The following TAFA1 variants were observed in gnomAD, a reference collection of about 807,000 sequenced individuals.
The protein encoded by TAFA1 is TAFA chemokine like family member 1, also known as chemokine-like protein TAFA-1.
A neutral mutation model predicts 18.5 loss-of-function variants in TAFA1; 4 were observed. That is an observed-to-expected ratio of 0.22 (90% CI 0.11 to 0.49). TAFA1 has a LOEUF of 0.49. TAFA1 is among the 20% of genes least tolerant of loss of function. The pLI is 0.98. For synonymous variants in TAFA1, 56 were observed against 55.2 expected (o/e 1.01, Z -0.06); for missense variants, 147 against 169.0 (o/e 0.87, Z 0.72).
intron 2 of TAFA1, among the ~76,000 whole-genome samples, chr3:68,134,049 C>T (rs563497726): frequency 8.4e-6 from 1 of 118,548 alleles, no homozygotes; most frequent in Admixed American, 1.0e-4. Context: ...GCTGAAATGA[C>T]AAGTGTGATG....
chr3:68,303,403 A>T (rs1373882247), intron 2 of TAFA1, among the ~76,000 whole-genome samples: 1 of 152,188 alleles, frequency 6.6e-6, no homozygotes, highest in Non-Finnish European at 1.5e-5. Flanking sequence ...GAGGAAACAA[A>T]ACAATGATTT....
chr3:68,303,327 C>T (rs187420530), intron 2 of TAFA1, among the ~76,000 whole-genome samples: 4 of 152,236 alleles, frequency 2.6e-5, no homozygotes, highest in Admixed American at 2.6e-4. Context: ...GCAGATTTTA[C>T]AAAGGAGGAG....
chr3:68,296,733 T>C (rs1328588712), intron 2 of TAFA1, among the ~76,000 whole-genome samples: 1 of 152,176 alleles, frequency 6.6e-6, no homozygotes, highest in Non-Finnish European at 1.5e-5. Flanking sequence ...TTATTGAAAG[T>C]GTACCATGTG....
At chr3:68,072,741 G>T (rs2064772630) in intron 2 of TAFA1, among the ~76,000 whole-genome samples, 3 of 152,272 alleles carry the variant, frequency 2.0e-5, no homozygotes, top group Admixed American at 1.3e-4. Flanking sequence ...TTGGGCTGTG[G>T]AGTTTGTGAC....
intron 3 of TAFA1, among the ~76,000 whole-genome samples, chr3:68,426,725 T>C (rs1027956480): frequency 6.6e-6 from 1 of 151,924 alleles, no homozygotes. Context: ...AAGAAGATGA[T>C]AAATAGGAAA....
At chr3:68,333,857 A>G (rs527410222) in intron 2 of TAFA1, among the ~76,000 whole-genome samples, 1 of 152,214 alleles carries the variant, frequency 6.6e-6, no homozygotes, top group Non-Finnish European at 1.5e-5. Flanking sequence ...CAATTACAAC[A>G]TGGATGAACC....
chr3:68,500,136 G>A (rs1339753407), intron 3 of TAFA1, among the ~76,000 whole-genome samples: 1 of 151,968 alleles, frequency 6.6e-6, no homozygotes, highest in Non-Finnish European at 1.5e-5. Flanking sequence ...TTCTGGGTTT[G>A]AGTGCCAATG....
chr3:68,263,174 G>T (rs2067469521), intron 2 of TAFA1, among the ~76,000 whole-genome samples: 1 of 152,020 alleles, frequency 6.6e-6, no homozygotes, highest in Admixed American at 6.6e-5. Context: ...TCAATTCAGA[G>T]ATTCTAATAT....
At chr3:68,499,443 T>TTTA (rs1190797488) in intron 3 of TAFA1, among the ~76,000 whole-genome samples, 17 of 56,942 alleles carry the variant, frequency 3.0e-4, no homozygotes, top group Non-Finnish European at 4.6e-4. Flanking sequence ...TCTGTGTTCC[T>TTTA]TTCTTTTTTT....
At chr3:68,298,126 C>A (rs780815007) in intron 2 of TAFA1, among the ~76,000 whole-genome samples, 2 of 152,300 alleles carry the variant, frequency 1.3e-5, no homozygotes, top group South Asian at 2.1e-4. Context: ...CACTTCCTTT[C>A]ATCTTCCCCA....
intron 2 of TAFA1, among the ~76,000 whole-genome samples, chr3:68,270,203 C>G (rs146176760): frequency 5.9e-5 from 9 of 152,250 alleles, no homozygotes; most frequent in African/African-American, 2.2e-4. Context: ...GGAGCTCCAG[C>G]TTCATCACTT....
intron 3 of TAFA1, among the ~76,000 whole-genome samples, chr3:68,441,325 G>T (rs920787784): frequency 6.6e-6 from 1 of 152,080 alleles, no homozygotes; most frequent in Non-Finnish European, 1.5e-5. Context: ...GGTGTCAGTG[G>T]CAGATAGTGA....
chr3:68,261,967 A>T (rs2067433998), intron 2 of TAFA1, among the ~76,000 whole-genome samples: 1 of 149,494 alleles, frequency 6.7e-6, no homozygotes, highest in Non-Finnish European at 1.5e-5. Flanking sequence ...AGATAATTTG[A>T]AATAAAAAAA....
intron 2 of TAFA1, among the ~76,000 whole-genome samples, chr3:68,112,822 T>C (rs2065276873): frequency 6.6e-6 from 1 of 152,010 alleles, no homozygotes; most frequent in Non-Finnish European, 1.5e-5. Flanking sequence ...TATAATATTA[T>C]CAAAATAATC....
chr3:68,064,101 T>G (rs1390495849), intron 2 of TAFA1, among the ~76,000 whole-genome samples: 3 of 152,076 alleles, frequency 2.0e-5, no homozygotes, highest in African/African-American at 7.2e-5. Context: ...TTCAAATATG[T>G]AAAAGCAAAA....
intron 2 of TAFA1, chr3:68,247,890 A>G (rs2067115116): frequency 6.6e-6 from 1 of 152,096 alleles, no homozygotes; most frequent in Non-Finnish European, 1.5e-5. Context: ...CTTTATTTGT[A>G]TAGAAATGAG....
At chr3:68,095,317 AAC>A (rs1395585933) in intron 2 of TAFA1, among the ~76,000 whole-genome samples, 1 of 152,188 alleles carries the variant, frequency 6.6e-6, no homozygotes, top group Non-Finnish European at 1.5e-5. Context: ...CATTTTAAAA[AAC>A]AGTTTTTATC....
At chr3:68,096,979 T>A (rs2065094015) in intron 2 of TAFA1, among the ~76,000 whole-genome samples, 1 of 152,128 alleles carries the variant, frequency 6.6e-6, no homozygotes, top group Admixed American at 6.6e-5. Context: ...TAAAATGGTA[T>A]CTGGGGCCTG....
At chr3:68,104,835 T>G (rs2065186758) in intron 2 of TAFA1, among the ~76,000 whole-genome samples, 1 of 152,158 alleles carries the variant, frequency 6.6e-6, no homozygotes, top group Non-Finnish European at 1.5e-5. Context: ...AGTAGTTTGT[T>G]GACCCCTCCT....
Sources: allele counts gnomAD v4.1 joint callset (sites outside exome capture counted in the v4.1 genomes callset), GRCh38; gene constraint gnomAD v4.1.1; transcripts MANE v1.5; gene names NCBI Gene and HGNC (gene_info 2026-07-23, HGNC 2026-07-21).